Variants in TM2D3 observed in about 807,000 individuals in gnomAD.
The protein encoded by TM2D3 is TM2 domain-containing protein 3.
In TM2D3, 33 loss-of-function variants were observed where a neutral mutation model predicts 27.3. The ratio of observed to expected loss-of-function variants is 1.21; its 90% CI spans 0.92 to 1.61. The LOEUF (loss-of-function observed/expected upper bound fraction) is 1.61. TM2D3 is among the 40% of genes most tolerant of loss of function. The pLI is 0.00. For missense variants in TM2D3, 364 were observed against 320.8 expected (o/e 1.13, Z -1.03); for synonymous variants, 138 against 122.2 (o/e 1.13, Z -0.85).
intron 4 of TM2D3, chr15:101,645,442 C>A: frequency 2.7e-6 from 1 of 365,724 alleles, no homozygotes; most frequent in Non-Finnish European, 4.9e-6. Context: ...AGTCTTGAGG[C>A]ATAAAAATCA....
Position 101,642,447 on chromosome 15 carries a change from A to C in TM2D3, c.*32T>G, listed in dbSNP as rs1164217213. On this transcript the variant is annotated 3_prime_UTR_variant, in exon 6 of 6. Coordinates refer to ENST00000333202, the MANE Select transcript of TM2D3 (RefSeq NM_078474.3). ...CCTACGGACAAAAGGGCTTTTTCTAAGCCCTGCTCCTTTCTGAAGCACACA... is the reference window on the plus strand; with the variant it reads ...CCTACGGACAAAAGGGCTTTTTCTACGCCCTGCTCCTTTCTGAAGCACACA... 1 of 1,550,674 alleles carries C rather than the reference A, an allele frequency of 6.4e-7. No individual in the cohort carries two copies. Among genetic ancestry groups the C allele is most frequent in the East Asian group, 2.3e-5 (1 of 42,802 alleles).
At chr15:101,635,304 A>T (rs1000530524) in intron 4 of TM2D3, 1 of 152,226 alleles carries the variant, frequency 6.6e-6, no homozygotes, top group Non-Finnish European at 1.5e-5. Context: ...TTATATTAGA[A>T]AAGGAGAAAT....
chr15:101,642,702 T>C (rs1181754807), intron 5 of TM2D3, 58 bp from the exon 6 acceptor site: 7 of 1,464,884 alleles, frequency 4.8e-6, no homozygotes, highest in Non-Finnish European at 6.4e-6. Context: ...CTGTGGCCAG[T>C]CACGGTTTAA....
At chr15:101,633,982 A>T (rs1381326152) in intron 4 of TM2D3, 17 of 357,714 alleles carry the variant, frequency 4.8e-5, no homozygotes, top group South Asian at 1.2e-4. Flanking sequence ...TACAAATAGA[A>T]AGTAGAAAAT....
chr15:101,649,955 T>C (rs1896924543), intron 3 of TM2D3, 49 bp downstream of exon 3: 2 of 1,557,048 alleles, frequency 1.3e-6, no homozygotes, highest in Non-Finnish European at 1.8e-6. Context: ...TTCTTCTAAC[T>C]TAAAGTTTAC....
chr15:101,639,878 G>T (rs1896629175), downstream of TM2D3, among the ~76,000 whole-genome samples: 1 of 152,188 alleles, frequency 6.6e-6, no homozygotes, highest in African/African-American at 2.4e-5. Context: ...GAGAGCCTCT[G>T]TGTGCACGGC....
At position 101,646,790 on chromosome 15, in the gene TM2D3, G is replaced by A. The variant is rs764016225; in HGVS notation, c.437C>T (p.Thr146Met). ...YECTNSTSCM[T>M]VSCPRQRYPA... The stretch of plus-strand genomic sequence containing the variant: ...GTAGCGCTGCCGAGGACAGGACACC[G>A]TCATGCAGCTGGTGGAGTTGGTACA... Residue 146 changes from threonine (T) to methionine (M), a missense_variant, in exon 4 of 6, where the codon ACG becomes ATG. Coordinates refer to ENST00000333202, the MANE Select transcript of TM2D3 (RefSeq NM_078474.3). The A allele has an allele frequency of 5.1e-5, 83 of 1,614,090 alleles. No homozygotes were observed. The highest frequency in any genetic ancestry group is 6.3e-5 in the Non-Finnish European group (74 of 1,180,038).
chr15:101,637,597 C>A (rs1300286057), downstream of TM2D3, among the ~76,000 whole-genome samples: 1 of 152,146 alleles, frequency 6.6e-6, no homozygotes, highest in African/African-American at 2.4e-5. Flanking sequence ...TCCCCAGCCC[C>A]TTAGATAGGA....
At chr15:101,637,393 G>A (rs1896573573), downstream of TM2D3, among the ~76,000 whole-genome samples, 3 of 152,162 alleles carry the variant, frequency 2.0e-5, no homozygotes, top group Non-Finnish European at 4.4e-5. Flanking sequence ...AAAGGGAAGG[G>A]GATTCTTTGC....
chr15:101,641,361 G>C (rs1342605714), downstream of TM2D3, among the ~76,000 whole-genome samples: 2 of 152,138 alleles, frequency 1.3e-5, no homozygotes, highest in Non-Finnish European at 2.9e-5. Context: ...ACCTAGCGAC[G>C]AGAGATGGAA....
intron 3 of TM2D3, among the ~76,000 whole-genome samples, chr15:101,647,206 A>C (rs936836433): frequency 2.0e-5 from 3 of 152,200 alleles, no homozygotes; most frequent in Non-Finnish European, 2.9e-5. Context: ...TGCTTAGCTA[A>C]ATTTTTCATA....
At position 101,642,572 on chromosome 15, in the gene TM2D3, GA is replaced by G; in HGVS notation, c.650del (p.Phe217SerfsTer11). On this transcript the variant is annotated frameshift_variant, in exon 6 of 6. Transcript: ENST00000333202. LOFTEE classifies it high-confidence loss of function. ...TCCATATTCCCAGGCCACCGAAGCT[GA>G]AGAGCTTGCCGAGGCCTTCCCGCCA... ...GQWREGLGKL[F>X]SFGGLGIWTL... is the part of the protein sequence containing the mutation. 6.2e-7 allele frequency: 1 copy of G among 1,612,890 alleles called. No individual in the cohort carries two copies. Among genetic ancestry groups the G allele is most frequent in the Non-Finnish European group, 8.5e-7 (1 of 1,179,786 alleles).
chr15:101,651,812 C>G (rs753953856), intron 1 of TM2D3, 39 bp from the exon 2 acceptor site: 3 of 1,607,544 alleles, frequency 1.9e-6, no homozygotes, highest in South Asian at 2.2e-5. Context: ...AACACGTTAT[C>G]CCGGGACAAG....
intron 5 of TM2D3, among the ~76,000 whole-genome samples, chr15:101,644,749 C>T (rs1439204848): frequency 6.6e-6 from 1 of 152,072 alleles, no homozygotes; most frequent in Admixed American, 6.6e-5. Context: ...TTTCAGTGTT[C>T]ATCATGTATT....
At chr15:101,643,603 AAAAAAAAAAAAAAAAAAAAGC>A (rs1301427727) in intron 5 of TM2D3, among the ~76,000 whole-genome samples, 17 of 128,074 alleles carry the variant, frequency 1.3e-4, no homozygotes, top group Non-Finnish European at 2.0e-4. Context: ...CTCCGTTAAA[AAAAAAAAAAAAAAAAAAAAGC>A]AAAAAAAAAA....
At chr15:101,636,989 T>C (rs1054475002), downstream of TM2D3, 1 of 361,408 alleles carries the variant, frequency 2.8e-6, no homozygotes, top group Non-Finnish European at 5.6e-6. Context: ...AGGCACAGTA[T>C]CAAGAGGTCC....
At chr15:101,635,952 T>C (rs1223129365) in intron 4 of TM2D3, 1 of 152,182 alleles carries the variant, frequency 6.6e-6, no homozygotes, top group East Asian at 1.9e-4. Context: ...TATGTGTGGT[T>C]ACTGAGCCGT....
chr15:101,643,631 A>G (rs867546462), intron 5 of TM2D3, among the ~76,000 whole-genome samples: 5 of 149,886 alleles, frequency 3.3e-5, no homozygotes, highest in Middle Eastern at 6.8e-3. Context: ...AAGCAAAAAA[A>G]AAAAAAAACC....
intron 4 of TM2D3, 95 bp from the exon 5 acceptor site, chr15:101,645,257 A>G: frequency 1.9e-6 from 2 of 1,034,188 alleles, no homozygotes; most frequent in Non-Finnish European, 2.8e-6. Flanking sequence ...AAAATGTGAA[A>G]AGTCAACTCT....
Sources: allele counts gnomAD v4.1 joint callset (sites outside exome capture counted in the v4.1 genomes callset), GRCh38; gene constraint gnomAD v4.1.1; transcripts MANE v1.5; gene names NCBI Gene and HGNC (gene_info 2026-07-23, HGNC 2026-07-21).